Variants in PHC2 observed in about 807,000 individuals in gnomAD.
PHC2 encodes the protein polyhomeotic-like protein 2.
In PHC2, 29 loss-of-function variants were observed where a neutral mutation model predicts 87.4. That is an observed-to-expected ratio of 0.33 (90% CI 0.25 to 0.45). The LOEUF is 0.45. Ranked by LOEUF, PHC2 falls within the 20% of genes least tolerant of loss-of-function variation. PHC2 has a pLI of 1.00. For missense variants in PHC2, 857 were observed against 1,136.7 expected (o/e 0.75, Z 3.54); for synonymous variants, 438 against 461.7 (o/e 0.95, Z 0.66).
chr1:33,397,658 T>C (rs929541749), intron 1 of PHC2, among the ~76,000 whole-genome samples: 1 of 152,024 alleles, frequency 6.6e-6, no homozygotes, highest in African/African-American at 2.4e-5. Context: ...CCCTCTTTGT[T>C]TGGGGTGGTC....
chr1:33,418,304 T>C (rs1245134507), intron 1 of PHC2, among the ~76,000 whole-genome samples: 1 of 151,596 alleles, frequency 6.6e-6, no homozygotes, highest in Non-Finnish European at 1.5e-5. Context: ...AAAAGATCAA[T>C]ACAATTGATA....
At chr1:33,386,112 T>A (rs1648733089) in intron 1 of PHC2, among the ~76,000 whole-genome samples, 1 of 152,076 alleles carries the variant, frequency 6.6e-6, no homozygotes, top group African/African-American at 2.4e-5. Flanking sequence ...TAAATTTTTT[T>A]ATGTTATAAT....
chr1:33,388,944 CAT>C (rs897976563), intron 1 of PHC2, among the ~76,000 whole-genome samples: 6 of 151,766 alleles, frequency 4.0e-5, no homozygotes, highest in South Asian at 4.2e-4. Flanking sequence ...GATTCTCAAA[CAT>C]GTGGGTTTTT....
At chr1:33,387,107 C>T (rs1403290993) in intron 1 of PHC2, among the ~76,000 whole-genome samples, 1 of 152,226 alleles carries the variant, frequency 6.6e-6, no homozygotes, top group Non-Finnish European at 1.5e-5. Flanking sequence ...AAATTTTTTA[C>T]TGGCCTTCTT....
chr1:33,348,335 G>T (rs1466677591), intron 9 of PHC2, among the ~76,000 whole-genome samples: 1 of 152,206 alleles, frequency 6.6e-6, no homozygotes. Flanking sequence ...GAATTTCCTT[G>T]CCTCATTAGC....
At chr1:33,397,972 G>A (rs532558736) in intron 1 of PHC2, among the ~76,000 whole-genome samples, 48 of 152,108 alleles carry the variant, frequency 3.2e-4, no homozygotes, top group African/African-American at 1.2e-3. Context: ...TGTTCCCTGT[G>A]CATGTAAAAA....
chr1:33,385,072 T>C (rs1190049850), intron 1 of PHC2, among the ~76,000 whole-genome samples: 1 of 152,116 alleles, frequency 6.6e-6, no homozygotes, highest in African/African-American at 2.4e-5. Flanking sequence ...GCCTAGGACA[T>C]GTAAATTTTG....
At chr1:33,329,208 CA>C in intron 13 of PHC2, 62 bp from the exon 14 acceptor site, 1 of 1,542,638 alleles carries the variant, frequency 6.5e-7, no homozygotes, top group East Asian at 2.3e-5. Context: ...CAGTGATGAA[CA>C]AAGGAGGTAT....
intron 1 of PHC2, among the ~76,000 whole-genome samples, chr1:33,422,722 G>A (rs1226743825): frequency 6.6e-6 from 1 of 152,120 alleles, no homozygotes; most frequent in Non-Finnish European, 1.5e-5. Context: ...TAAAAGCCAA[G>A]TTCTGCCCTC....
chr1:33,358,241 G>A (rs937480052), intron 7 of PHC2, among the ~76,000 whole-genome samples: 1 of 152,144 alleles, frequency 6.6e-6, no homozygotes, highest in Non-Finnish European at 1.5e-5. Flanking sequence ...CAAAAGACTG[G>A]GAAAGGGGAC....
At chr1:33,359,142 TG>T (rs1309387809) in intron 7 of PHC2, 1 of 152,262 alleles carries the variant, frequency 6.6e-6, no homozygotes, top group African/African-American at 2.4e-5. Context: ...GCAGAATTTA[TG>T]TGAGACATTT....
In PHC2 at chr1:33,382,169, C is replaced by CT. The variant is rs959703941; in HGVS notation, c.-54-6577dup. Among the ~76,000 whole-genome samples, 2 of 152,018 alleles carry CT rather than the reference C, an allele frequency of 1.3e-5. No individual in the cohort carries two copies. Among genetic ancestry groups the CT allele is most frequent in the Admixed American group, 1.3e-4 (2 of 15,252 alleles). On this transcript the variant is annotated intron_variant, in intron 1 of 14. Coordinates refer to ENST00000683057, the MANE Select transcript of PHC2 (RefSeq NM_001385109.1). This position sits in a 1 kb window ranked among gnomAD's most constrained non-coding sequence, Gnocchi z 4.3. ...GTGGACCCATATAACAGCTTTAAAACTTTTTTTTCTACAGTTCCCCTTTTT... is the reference window on the plus strand; with the variant it reads ...GTGGACCCATATAACAGCTTTAAAACTTTTTTTTTCTACAGTTCCCCTTTTT...
At position 33,367,129 on chromosome 1, in the gene PHC2, G is replaced by A; in HGVS notation, c.963C>T (p.Pro321=). The change falls in exon 7 of 15, where the codon CCC becomes CCT. Residue 321 remains proline, a synonymous_variant. Transcript: ENST00000683057. ...TGAAGACCTTACCTGGTGCAATGAG[G>A]GGGTGGGCAGCCACAGCAGGAACCG... ...SRTVPAVAAH[P]LIAPAYAQLQ... 1 of 1,606,390 alleles carries A rather than the reference G, an allele frequency of 6.2e-7. No homozygotes were observed.
At chr1:33,341,192 G>T (rs780550614) in intron 9 of PHC2, among the ~76,000 whole-genome samples, 18 of 152,200 alleles carry the variant, frequency 1.2e-4, no homozygotes, top group Non-Finnish European at 2.1e-4. Context: ...CTGTGGTGAG[G>T]ATTAAATAAT....
chr1:33,368,688 C>T lies in PHC2; in HGVS notation c.577-66G>A. On this transcript the variant is annotated intron_variant, in intron 5 of 14. Transcript: ENST00000683057. This position sits in a 1 kb window ranked among gnomAD's most constrained non-coding sequence, Gnocchi z 6.6. ...ACCTGCACCAGGTTACCTGGCTGGG[C>T]CTGGAATCACAGGAAACGAGGCGCC... The T allele has an allele frequency of 8.2e-7, 1 of 1,214,860 alleles. No homozygotes were observed. The highest frequency in any genetic ancestry group is 1.3e-5 in the South Asian group (1 of 77,554). The allele number at this position is 1,214,860 out of a possible 1,614,324, so 75.3% of individuals were successfully genotyped here. A position where few individuals can be genotyped will look rare whatever the true frequency, so the allele number is the denominator to read the frequency against.
At chr1:33,327,690 C>T (rs1646401060) in intron 14 of PHC2, among the ~76,000 whole-genome samples, 1 of 152,212 alleles carries the variant, frequency 6.6e-6, no homozygotes, top group South Asian at 2.1e-4. Context: ...GTGGGGACAT[C>T]CCACTGCCAT....
intron 2 of PHC2, among the ~76,000 whole-genome samples, chr1:33,373,793 C>A (rs1648003580): frequency 6.6e-6 from 1 of 152,138 alleles, no homozygotes; most frequent in Admixed American, 6.5e-5. Context: ...GACCCTGGGC[C>A]CTGTCCCGGC....
At chr1:33,402,828 G>GA (rs1262154298) in intron 1 of PHC2, among the ~76,000 whole-genome samples, 1 of 125,726 alleles carries the variant, frequency 8.0e-6, no homozygotes, top group Non-Finnish European at 1.9e-5. Flanking sequence ...AAAAGCAAGG[G>GA]AAAACTCTTT....
At chr1:33,341,805 C>A (rs570892818) in intron 9 of PHC2, among the ~76,000 whole-genome samples, 36 of 152,312 alleles carry the variant, frequency 2.4e-4, no homozygotes, top group African/African-American at 8.4e-4. Flanking sequence ...AAAACATGCA[C>A]AAAATGAACT....
Sources: allele counts gnomAD v4.1 joint callset (sites outside exome capture counted in the v4.1 genomes callset), GRCh38; gene constraint gnomAD v4.1.1; non-coding constraint Gnocchi (gnomAD v3.1); transcripts MANE v1.5; gene names NCBI Gene and HGNC (gene_info 2026-07-23, HGNC 2026-07-21).